Variants in C1orf21 observed in about 807,000 individuals in gnomAD.
C1orf21 encodes uncharacterized protein C1orf21.
C1orf21 carries 3 observed loss-of-function variants against 18.7 expected under a neutral mutation model. The ratio of observed to expected loss-of-function variants is 0.16; its 90% CI spans 0.07 to 0.42. The LOEUF is 0.42. Among genes scored for constraint, C1orf21 ranks in the 10% least tolerant of loss-of-function variants. The pLI is 0.99. For synonymous variants in C1orf21, 41 were observed against 46.4 expected (o/e 0.88, Z 0.47); for missense variants, 104 against 143.6 (o/e 0.72, Z 1.41).
chr1:184,617,921 T>G lies in C1orf21; in HGVS notation c.328-1597T>G, dbSNP rs1244104333. Among the ~76,000 whole-genome samples, 3 of 147,858 alleles carry G rather than the reference T, an allele frequency of 2.0e-5. No homozygotes were observed. The East Asian group carries it at 5.9e-4, about 29-fold the overall frequency. On this transcript the variant is annotated intron_variant, in intron 5 of 5. Transcript: ENST00000235307. Reference sequence around the variant, plus strand: ...TTGTTGTTGTTTTTTTTTTTTTTTTTTTTTTTGAGATAGAGTCTCACTCTG... The same window carrying G: ...TTGTTGTTGTTTTTTTTTTTTTTTTGTTTTTTGAGATAGAGTCTCACTCTG...
rs1659939622 is a variant in C1orf21 at position 184,622,482 on chromosome 1, C to T, written c.*2926C>T. On this transcript the variant is annotated 3_prime_UTR_variant, in exon 6 of 6. Coordinates refer to ENST00000235307, the MANE Select transcript of C1orf21 (RefSeq NM_030806.4). ...CTTTTGGTTGGCAGAGATTCAGGAT[C>T]ATGGAGTACTGCTCTCATAATTGAA... is the stretch of plus-strand genomic sequence containing the variant. The T allele has an allele frequency of 6.5e-6, 1 of 152,702 alleles. No individual in the cohort carries two copies. The highest frequency in any genetic ancestry group is 2.4e-5 in the African/African-American group (1 of 41,454). The allele number at this position is 152,702 out of a possible 1,614,324, so 9.5% of individuals were successfully genotyped here.
intron 1 of C1orf21, among the ~76,000 whole-genome samples, chr1:184,390,674 C>A (rs970293112): frequency 2.6e-5 from 4 of 152,158 alleles, no homozygotes; most frequent in Non-Finnish European, 4.4e-5. Flanking sequence ...GAGGACCCTA[C>A]ACAATGTACG....
intron 5 of C1orf21, among the ~76,000 whole-genome samples, chr1:184,608,660 C>T (rs1659685418): frequency 6.6e-6 from 1 of 152,176 alleles, no homozygotes; most frequent in South Asian, 2.1e-4. Context: ...TCTGATGGCC[C>T]CAGCCTGTCA....
At chr1:184,394,942 A>G (rs1483020100) in intron 1 of C1orf21, among the ~76,000 whole-genome samples, 1 of 151,836 alleles carries the variant, frequency 6.6e-6, no homozygotes, top group African/African-American at 2.4e-5. Context: ...TGCGACTCCC[A>G]AAACAAATTT....
intron 3 of C1orf21, among the ~76,000 whole-genome samples, chr1:184,586,892 C>G (rs1269187463): frequency 6.6e-6 from 1 of 152,174 alleles, no homozygotes; most frequent in Non-Finnish European, 1.5e-5. Context: ...CCTAGGTTGT[C>G]TTCCAGAGTT....
At chr1:184,511,734 G>A (rs1658149254) in intron 3 of C1orf21, among the ~76,000 whole-genome samples, 1 of 152,130 alleles carries the variant, frequency 6.6e-6, no homozygotes, top group African/African-American at 2.4e-5. Flanking sequence ...GTTCCGCATG[G>A]CTGGGGAGGC....
chr1:184,554,226 A>G (rs1419440275), intron 3 of C1orf21, among the ~76,000 whole-genome samples: 1 of 152,174 alleles, frequency 6.6e-6, no homozygotes, highest in Non-Finnish European at 1.5e-5. Context: ...CCTTGATACC[A>G]GTAATTTGTA....
intron 3 of C1orf21, among the ~76,000 whole-genome samples, chr1:184,522,935 G>A (rs1658324672): frequency 6.6e-6 from 1 of 152,114 alleles, no homozygotes. Context: ...CAATCCACCT[G>A]CCTCGGCCTC....
chr1:184,508,033 AT>A (rs1275156810), intron 3 of C1orf21, among the ~76,000 whole-genome samples: 2 of 152,156 alleles, frequency 1.3e-5, no homozygotes, highest in Non-Finnish European at 2.9e-5. Flanking sequence ...CCAAATCAGG[AT>A]GAATGGTTGT....
Position 184,628,272 on chromosome 1 carries a change from A to G in C1orf21, c.*8716A>G, listed in dbSNP as rs942938167. On this transcript the variant is annotated 3_prime_UTR_variant, in exon 6 of 6. Transcript: ENST00000235307. ...GATGCACTCTCTCTGTGTGTTTATT[A>G]ATTTATTTAAAGCATATATCCCTTT... The G allele has an allele frequency of 2.0e-5, 3 of 152,232 alleles. No individual in the cohort carries two copies. Among genetic ancestry groups the G allele is most frequent in the African/African-American group, 7.2e-5 (3 of 41,464 alleles). The allele number at this position is 152,232 out of a possible 1,614,324, so 9.4% of individuals were successfully genotyped here.
At chr1:184,505,306 A>AATATATATATATATATATAT (rs59445875) in intron 2 of C1orf21, among the ~76,000 whole-genome samples, 7 of 66,760 alleles carry the variant, frequency 1.0e-4, no homozygotes, top group African/African-American at 1.9e-4. Context: ...TACATAAAGA[A>AATATATATATATATATATAT]ATATATATAT....
At chr1:184,533,941 GA>G (rs1312600763) in intron 3 of C1orf21, among the ~76,000 whole-genome samples, 1 of 152,230 alleles carries the variant, frequency 6.6e-6, no homozygotes, top group East Asian at 1.9e-4. Context: ...TATGGGGACA[GA>G]AGTTGGTTGG....
intron 1 of C1orf21, among the ~76,000 whole-genome samples, chr1:184,459,438 C>G (rs1032043642): frequency 1.3e-5 from 2 of 152,212 alleles, no homozygotes; most frequent in Non-Finnish European, 2.9e-5. Context: ...TTGAGAGAAA[C>G]TACATGCAGC....
chr1:184,614,342 A>C (rs1362543789), intron 5 of C1orf21, among the ~76,000 whole-genome samples: 2 of 152,218 alleles, frequency 1.3e-5, no homozygotes, highest in Non-Finnish European at 2.9e-5. Flanking sequence ...ACTTCCTCTC[A>C]GTCACTTTCA....
chr1:184,478,699 G>T (rs189268333), intron 2 of C1orf21, among the ~76,000 whole-genome samples: 93 of 152,278 alleles, frequency 6.1e-4, no homozygotes, highest in African/African-American at 2.1e-3. Context: ...GCCCTTAGAT[G>T]ATTATTTTGA....
intron 5 of C1orf21, among the ~76,000 whole-genome samples, chr1:184,601,043 G>A: frequency 6.6e-6 from 1 of 152,112 alleles, no homozygotes; most frequent in East Asian, 1.9e-4. Context: ...ATTTGGTCCA[G>A]GCTAGCATGA....
At chr1:184,556,095 C>T (rs897418283) in intron 3 of C1orf21, among the ~76,000 whole-genome samples, 1 of 152,162 alleles carries the variant, frequency 6.6e-6, no homozygotes, top group Non-Finnish European at 1.5e-5. Context: ...ACACACAACA[C>T]ACACACATAC....
At chr1:184,442,635 A>T (rs144129152) in intron 1 of C1orf21, among the ~76,000 whole-genome samples, 151 of 152,276 alleles carry the variant, frequency 9.9e-4, no homozygotes, top group Non-Finnish European at 1.7e-3. Context: ...TGAGTGATTG[A>T]GAAAGTTATT....
intron 1 of C1orf21, among the ~76,000 whole-genome samples, chr1:184,388,995 T>C: frequency 6.6e-6 from 1 of 152,204 alleles, no homozygotes; most frequent in East Asian, 1.9e-4. Context: ...TGGAAATTAA[T>C]TTGGATTGGA....
Sources: allele counts gnomAD v4.1 joint callset (sites outside exome capture counted in the v4.1 genomes callset), GRCh38; gene constraint gnomAD v4.1.1; transcripts MANE v1.5; gene names NCBI Gene and HGNC (gene_info 2026-07-23, HGNC 2026-07-21).